KIF5C: variants seen among roughly 807,000 people sequenced by gnomAD.
KIF5C encodes kinesin heavy chain isoform 5C.
A neutral mutation model predicts 125.2 loss-of-function variants in KIF5C; 18 were observed. The observed-to-expected ratio is 0.14, with a 90% confidence interval of 0.10 to 0.21. The LOEUF is 0.21. Ranked by LOEUF, KIF5C falls within the 10% of genes least tolerant of loss-of-function variation. KIF5C has a pLI of 1.00. For synonymous variants in KIF5C, 405 were observed against 434.0 expected (o/e 0.93, Z 0.83); for missense variants, 780 against 1,183.8 (o/e 0.66, Z 5.01).
intron 1 of KIF5C, among the ~76,000 whole-genome samples, chr2:148,921,707 C>T (rs530920957): frequency 1.3e-5 from 2 of 152,354 alleles, no homozygotes; most frequent in South Asian, 4.1e-4. Flanking sequence ...TAAACCTAGG[C>T]ATTTTGCGTT....
At chr2:148,968,656 A>G (rs1462953076) in intron 11 of KIF5C, among the ~76,000 whole-genome samples, 3 of 152,148 alleles carry the variant, frequency 2.0e-5, no homozygotes, top group African/African-American at 7.2e-5. Flanking sequence ...TGACCAGTTT[A>G]TTAGAAAATC....
At chr2:148,983,051 A>G (rs577819837) in intron 14 of KIF5C, among the ~76,000 whole-genome samples, 4 of 152,258 alleles carry the variant, frequency 2.6e-5, no homozygotes, top group Non-Finnish European at 5.9e-5. Flanking sequence ...AACGTAACCT[A>G]ATTTTGAAAA....
Position 149,026,065 on chromosome 2 carries a change from G to T in KIF5C, c.*2995G>T, listed in dbSNP as rs1031312891. 2 of 152,568 alleles carry T rather than the reference G, an allele frequency of 1.3e-5. No individual in the cohort carries two copies. Among genetic ancestry groups the T allele is most frequent in the Admixed American group, 1.3e-4 (2 of 15,274 alleles). 9.5% of individuals were successfully genotyped at this position (152,568 alleles called of 1,614,324 possible). ...ACATAAAGAAGCTCTAGTTCTTATAGAAATAACAAAGCAAATAAAAGTTCT... is the reference window on the plus strand; with the variant it reads ...ACATAAAGAAGCTCTAGTTCTTATATAAATAACAAAGCAAATAAAAGTTCT... On this transcript the variant is annotated 3_prime_UTR_variant, in exon 26 of 26. Transcript: ENST00000435030.
At chr2:148,961,528 C>G (rs1157924457) in intron 10 of KIF5C, among the ~76,000 whole-genome samples, 1 of 152,164 alleles carries the variant, frequency 6.6e-6, no homozygotes, top group Non-Finnish European at 1.5e-5. Context: ...GTCTATCTGT[C>G]TTGGTGTACC....
At position 148,973,330 on chromosome 2, in the gene KIF5C, T is replaced by A; in HGVS notation, c.1118-6T>A. On this transcript the variant is annotated splice_polypyrimidine_tract_variant and splice_region_variant and intron_variant, in intron 11 of 25. Transcript: ENST00000435030. ...ATCCCCAACTCTGCTCGGCTATGTTTTGCAGGAGAAGCTGTGCCTGAGGAT... is the reference window on the plus strand; with the variant it reads ...ATCCCCAACTCTGCTCGGCTATGTTATGCAGGAGAAGCTGTGCCTGAGGAT... 1 of 1,608,058 alleles carries A rather than the reference T, an allele frequency of 6.2e-7. No homozygotes were observed. The highest frequency in any genetic ancestry group is 1.3e-5 in the African/African-American group (1 of 74,602).
intron 1 of KIF5C, among the ~76,000 whole-genome samples, chr2:148,880,872 C>T (rs1366855558): frequency 6.6e-6 from 1 of 151,166 alleles, no homozygotes; most frequent in African/African-American, 2.4e-5. Context: ...AGTAGGCACA[C>T]AGTCAGTGAA....
In KIF5C at chr2:148,981,520, C is replaced by T. The variant is rs778563315; in HGVS notation, c.1528C>T (p.Arg510Trp). The T allele has an allele frequency of 3.7e-6, 6 of 1,605,248 alleles. No homozygotes were observed. The Admixed American group carries it at 1.0e-4, about 27-fold the overall frequency. ...ATCACAGGAAGTGGAGGATAAGACCCGGGCCAATGAGCAGCTGACAGACGA... is the reference window on the plus strand; with the variant it reads ...ATCACAGGAAGTGGAGGATAAGACCTGGGCCAATGAGCAGCTGACAGACGA... ...QKSQEVEDKT[R>W]ANEQLTDELA... The change falls in exon 14 of 26, where the codon CGG (arginine) becomes TGG (tryptophan). Residue 510 changes from arginine (R) to tryptophan (W), a missense_variant. Physicochemically the swap from Arg to Trp is moderately radical, Grantham distance 101. Transcript: ENST00000435030.
At chr2:148,956,840 T>A (rs776151841) in intron 10 of KIF5C, among the ~76,000 whole-genome samples, 2 of 152,220 alleles carry the variant, frequency 1.3e-5, no homozygotes, top group Admixed American at 6.5e-5. Context: ...TGAGAGTTTT[T>A]AGAAATGAAG....
At chr2:148,993,861 A>G (rs945034184) in intron 16 of KIF5C, among the ~76,000 whole-genome samples, 5 of 152,108 alleles carry the variant, frequency 3.3e-5, no homozygotes, top group Admixed American at 2.0e-4. Context: ...TGCTGTAAGA[A>G]AGTGTTGGGG....
chr2:148,965,812 A>G (rs1683036828), intron 11 of KIF5C, among the ~76,000 whole-genome samples: 1 of 152,078 alleles, frequency 6.6e-6, no homozygotes. Context: ...TTCTCTTTCT[A>G]CTGTCTGCAC....
chr2:149,026,239 C>T lies in KIF5C; in HGVS notation c.*3169C>T, dbSNP rs999489443. On this transcript the variant is annotated 3_prime_UTR_variant, in exon 26 of 26. Coordinates refer to ENST00000435030, the MANE Select transcript of KIF5C (RefSeq NM_004522.3). ...AGAATCTTGAGCAAGCTAAAGAAACCATCATAATCTAAAATTGCTTCATTT... is the reference window on the plus strand; with the variant it reads ...AGAATCTTGAGCAAGCTAAAGAAACTATCATAATCTAAAATTGCTTCATTT... 5.9e-5 allele frequency: 9 copies of T among 152,176 alleles called. No individual in the cohort carries two copies. Among genetic ancestry groups the T allele is most frequent in the African/African-American group, 2.2e-4 (9 of 41,422 alleles). The allele number at this position is 152,176 out of a possible 1,614,324, so 9.4% of individuals were successfully genotyped here.
intron 11 of KIF5C, among the ~76,000 whole-genome samples, chr2:148,963,569 T>C (rs761046050): frequency 2.6e-5 from 4 of 152,226 alleles, no homozygotes; most frequent in Non-Finnish European, 5.9e-5. Flanking sequence ...ACTAGAATAA[T>C]TGAATAATTC....
At chr2:148,947,963 G>A (rs1182890633) in intron 8 of KIF5C, 5 of 456,568 alleles carry the variant, frequency 1.1e-5, no homozygotes, top group Non-Finnish European at 1.8e-5. Context: ...ACATCCACGT[G>A]AGTAATGGTT....
chr2:148,953,568 G>A (rs967921195), intron 10 of KIF5C, among the ~76,000 whole-genome samples: 1 of 152,198 alleles, frequency 6.6e-6, no homozygotes. Context: ...ACTCAGAAAA[G>A]ACTGCCGGGC....
intron 15 of KIF5C, among the ~76,000 whole-genome samples, chr2:148,984,784 GTTTA>G (rs201450383): frequency 7.7e-4 from 117 of 151,946 alleles, no homozygotes; most frequent in African/African-American, 2.5e-3. Context: ...TTGGTTATTT[GTTTA>G]TTTATTTATT....
Position 148,899,575 on chromosome 2 carries a change from C to T in KIF5C, c.127-22562C>T, listed in dbSNP as rs1158379331. On this transcript the variant is annotated intron_variant, in intron 1 of 25. Coordinates refer to ENST00000435030, the MANE Select transcript of KIF5C (RefSeq NM_004522.3). The stretch of plus-strand genomic sequence containing the variant: ...AAAATCAGCCGGGCGTGGTGGTGGG[C>T]GCCTGTAATCCCAGCCTCTTGGGAG... Among the ~76,000 whole-genome samples the T allele has an allele frequency of 2.1e-4, 32 of 151,682 alleles. 1 individual carries two copies. The highest frequency in any genetic ancestry group is 1.8e-3 in the Admixed American group (28 of 15,222).
At chr2:148,991,293 G>GT (rs1681520835) in intron 16 of KIF5C, 95 bp downstream of exon 16, 2 of 1,471,028 alleles carry the variant, frequency 1.4e-6, no homozygotes, top group East Asian at 2.5e-5. Context: ...CTTAGGCTTA[G>GT]TTGAGGGACT....
At chr2:148,928,781 C>A (rs1052012091) in intron 2 of KIF5C, among the ~76,000 whole-genome samples, 2 of 152,168 alleles carry the variant, frequency 1.3e-5, no homozygotes, top group African/African-American at 4.8e-5. Flanking sequence ...CCTCCCCCAC[C>A]TCTGGACTCA....
rs563991653 is a variant in KIF5C at position 148,899,058 on chromosome 2, G to A, written c.127-23079G>A. On this transcript the variant is annotated intron_variant, in intron 1 of 25. Coordinates refer to ENST00000435030, the MANE Select transcript of KIF5C (RefSeq NM_004522.3). ...ATTTTATATGAAATGGAGACATTAT[G>A]TATATAATCTCTGCTAAAATAAGAA... 4.6e-5 allele frequency among the ~76,000 whole-genome samples: 7 copies of A among 152,254 alleles called. No individual in the cohort carries two copies. In the East Asian group the frequency reaches 9.6e-4, roughly 21 times the overall value.
Sources: gnomAD v4.1 joint callset for allele counts (sites outside exome capture counted in the v4.1 genomes callset) on GRCh38, gnomAD v4.1.1 for gene constraint, MANE v1.5 for transcripts, NCBI Gene and HGNC (gene_info 2026-07-23, HGNC 2026-07-21) for gene names.